SEL1L3: variants seen among roughly 807,000 people sequenced by gnomAD.
The protein encoded by SEL1L3 is SEL1L family member 3.
A neutral mutation model predicts 142.8 loss-of-function variants in SEL1L3; 76 were observed. The observed-to-expected ratio is 0.53, with a 90% CI of 0.44 to 0.64. The LOEUF is 0.64. Ranked by LOEUF, SEL1L3 falls within the 30% of genes least tolerant of loss-of-function variation. The pLI is 0.00. For synonymous variants in SEL1L3, 504 were observed against 519.6 expected, an observed-to-expected ratio of 0.97 and a Z score of 0.41; for missense variants, 1,262 against 1,381.7, an observed-to-expected ratio of 0.91 and a Z score of 1.37.
chr4:25,823,394 A>T (rs1714892773), intron 6 of SEL1L3, among the ~76,000 whole-genome samples: 1 of 152,104 alleles, frequency 6.6e-6, no homozygotes. Context: ...GCGTGCCTGT[A>T]ATCCAGCTAC....
chr4:25,766,812 A>G (rs1254036261), intron 19 of SEL1L3, among the ~76,000 whole-genome samples: 2 of 152,170 alleles, frequency 1.3e-5, no homozygotes, highest in African/African-American at 2.4e-5. Flanking sequence ...CCATCCTGCA[A>G]TCTTCTGCCA....
intron 17 of SEL1L3, 122 bp from the exon 18 acceptor site, chr4:25,767,952 C>G: frequency 1.6e-6 from 1 of 635,632 alleles, no homozygotes; most frequent in Non-Finnish European, 2.7e-6. Context: ...ACCACAAAAT[C>G]GTGAGTTTTT....
At chr4:25,758,188 A>G (rs1399080942) in intron 21 of SEL1L3, among the ~76,000 whole-genome samples, 1 of 152,238 alleles carries the variant, frequency 6.6e-6, no homozygotes, top group African/African-American at 2.4e-5. Context: ...TTGGCTATTT[A>G]CGCAGGGCAT....
intron 5 of SEL1L3, among the ~76,000 whole-genome samples, chr4:25,831,507 AATAATT>A (rs370820390): frequency 0.17 from 18,835 of 111,078 alleles, 1,532 homozygotes; most frequent in Non-Finnish European, 0.2. Context: ...TAATAATAAT[AATAATT>A]ATTATTATTA....
intron 10 of SEL1L3, 38 bp from the exon 11 acceptor site, chr4:25,802,500 T>C: frequency 1.9e-6 from 3 of 1,548,010 alleles, no homozygotes; most frequent in Non-Finnish European, 1.8e-6. Context: ...CATGAGATTG[T>C]AGATAGGGTC....
chr4:25,862,400 T>G (rs1717780446), intron 1 of SEL1L3, among the ~76,000 whole-genome samples: 4 of 149,480 alleles, frequency 2.7e-5, no homozygotes, highest in Non-Finnish European at 5.9e-5. Flanking sequence ...CAAGAAGGGG[T>G]CTCGAGGGTA....
chr4:25,798,994 C>A (rs1378248007), intron 11 of SEL1L3, among the ~76,000 whole-genome samples: 1 of 152,082 alleles, frequency 6.6e-6, no homozygotes, highest in African/African-American at 2.4e-5. Context: ...TCTTCTGAGA[C>A]CCCCCTCCTT....
chr4:25,733,734 A>G, the SEL1L3 span, among the ~76,000 whole-genome samples: 1 of 151,986 alleles, frequency 6.6e-6, no homozygotes, highest in Non-Finnish European at 1.5e-5. Context: ...ACTGGTCTCG[A>G]ACTCCTGACC....
chr4:25,764,502 T>G (rs1718587690), intron 20 of SEL1L3, among the ~76,000 whole-genome samples: 1 of 152,152 alleles, frequency 6.6e-6, no homozygotes, highest in Non-Finnish European at 1.5e-5. Flanking sequence ...TTTCTACAAA[T>G]CTAACATTAT....
chr4:25,825,821 T>C (rs1487512670), intron 6 of SEL1L3, among the ~76,000 whole-genome samples: 2 of 151,704 alleles, frequency 1.3e-5, no homozygotes, highest in African/African-American at 4.9e-5. Context: ...AATACAGGCA[T>C]GCGCCACCAC....
At chr4:25,714,052 C>T in the SEL1L3 span, among the ~76,000 whole-genome samples, 2 of 152,140 alleles carry the variant, frequency 1.3e-5, no homozygotes, top group Non-Finnish European at 2.9e-5. Flanking sequence ...AGGCAAGTCA[C>T]TCCTCTTTGT....
At chr4:25,776,445 A>T in intron 16 of SEL1L3, 85 bp from the exon 17 acceptor site, 1 of 912,824 alleles carries the variant, frequency 1.1e-6, no homozygotes, top group East Asian at 2.5e-5. Flanking sequence ...AATAAATCCC[A>T]CTTGGGGAAT....
chr4:25,823,856 G>C (rs1360155628), intron 6 of SEL1L3, among the ~76,000 whole-genome samples: 1 of 152,132 alleles, frequency 6.6e-6, no homozygotes. Context: ...AGGCAACCCA[G>C]GGTTATTTCA....
In SEL1L3 at chr4:25,796,449, A is replaced by ATG. The variant is rs557220190; in HGVS notation, c.1956+5832_1956+5833dup. On this transcript the variant is annotated intron_variant, in intron 11 of 23. Transcript: ENST00000399878. ...GTCTCAAATTAAAGAAAAAAAAAAT[A>ATG]TGTGTGTGTGTGTGTGTAAAATTTT... 7.7e-3 allele frequency among the ~76,000 whole-genome samples: 1,173 copies of ATG among 151,706 alleles called. 13 individuals carry two copies. The highest frequency in any genetic ancestry group is 0.026 in the African/African-American group (1,074 of 41,332).
chr4:25,835,856 A>G (rs1245085807), intron 2 of SEL1L3, among the ~76,000 whole-genome samples: 1 of 152,246 alleles, frequency 6.6e-6, no homozygotes, highest in East Asian at 1.9e-4. Flanking sequence ...AGTAATATTT[A>G]GTGTACACCG....
Position 25,776,300 on chromosome 4 carries a change from G to A in SEL1L3, c.2646C>T (p.Leu882=), listed in dbSNP as rs1180294858. 8 of 1,612,534 alleles carry A rather than the reference G, an allele frequency of 5.0e-6. No homozygotes were observed. The highest frequency in any genetic ancestry group is 6.8e-6 in the Non-Finnish European group (8 of 1,178,962). ...ACCATGAACCTTCCAGGTAGGCATT[G>A]AGGCCTTTGCGGATGACATGGCCCA... ...GYLGHVIRKG[L]NAYLEGSWHE... The change falls in exon 17 of 24, where the codon CTC becomes CTT. Residue 882 remains leucine, a synonymous_variant. Coordinates refer to ENST00000399878, the MANE Select transcript of SEL1L3 (RefSeq NM_015187.5).
intron 6 of SEL1L3, 135 bp from the exon 7 acceptor site, chr4:25,822,263 C>T: frequency 1.0e-6 from 1 of 983,748 alleles, no homozygotes; most frequent in Non-Finnish European, 1.5e-6. Flanking sequence ...GCAGATGAGA[C>T]CAGCGTAGGG....
intron 1 of SEL1L3, among the ~76,000 whole-genome samples, chr4:25,858,573 T>A (rs1717430112): frequency 6.7e-6 from 1 of 148,298 alleles, no homozygotes; most frequent in African/African-American, 2.4e-5. Context: ...TTTTTTTTGA[T>A]TTTTTTGTTT....
At chr4:25,795,126 T>C (rs1251543090) in intron 11 of SEL1L3, among the ~76,000 whole-genome samples, 2 of 152,040 alleles carry the variant, frequency 1.3e-5, no homozygotes, top group African/African-American at 4.8e-5. Flanking sequence ...GATGATGAGT[T>C]GATAGGTGCA....
Sources: allele counts gnomAD v4.1 joint callset (sites outside exome capture counted in the v4.1 genomes callset), GRCh38; gene constraint gnomAD v4.1.1; transcripts MANE v1.5; gene names NCBI Gene and HGNC (gene_info 2026-07-23, HGNC 2026-07-21).